MAGI2: variants seen among roughly 807,000 people sequenced by gnomAD.
MAGI2 encodes membrane-associated guanylate kinase, WW and PDZ domain-containing protein 2.
Under a neutral mutation model 133.3 loss-of-function variants are expected in MAGI2, and 35 were observed. That is an observed-to-expected ratio of 0.26 (90% CI 0.20 to 0.35). The LOEUF (loss-of-function observed/expected upper bound fraction) is 0.35. Ranked by LOEUF, MAGI2 falls within the 10% of genes least tolerant of loss-of-function variation. The pLI is 1.00. For synonymous variants in MAGI2, 729 were observed against 710.6 expected (o/e 1.03, Z -0.41); for missense variants, 1,636 against 1,863.4 (o/e 0.88, Z 2.25).
chr7:79,229,704 T>G (rs1341349625), intron 1 of MAGI2, among the ~76,000 whole-genome samples: 1 of 152,208 alleles, frequency 6.6e-6, no homozygotes, highest in Non-Finnish European at 1.5e-5. Flanking sequence ...TATGCTTGTC[T>G]GCAACTGATG....
chr7:79,149,127 AATAT>A (rs1562941294), intron 1 of MAGI2, among the ~76,000 whole-genome samples: 1 of 144,384 alleles, frequency 6.9e-6, no homozygotes, highest in African/African-American at 2.5e-5. Context: ...TATATAATAT[AATAT>A]ATATACTTCC....
chr7:79,427,230 C>T (rs994641660), intron 1 of MAGI2, among the ~76,000 whole-genome samples: 2 of 152,052 alleles, frequency 1.3e-5, no homozygotes, highest in East Asian at 3.9e-4. Flanking sequence ...AATATCTAAA[C>T]TTGAAGATTC....
intron 2 of MAGI2, among the ~76,000 whole-genome samples, chr7:78,639,630 T>A (rs1173865448): frequency 6.6e-6 from 1 of 152,148 alleles, no homozygotes; most frequent in Non-Finnish European, 1.5e-5. Context: ...TTCCTTACTT[T>A]AAAAAAATTA....
chr7:78,423,881 A>C (rs995748394), intron 6 of MAGI2, among the ~76,000 whole-genome samples: 2 of 152,166 alleles, frequency 1.3e-5, no homozygotes, highest in Non-Finnish European at 2.9e-5. Context: ...GCTGTTAAAA[A>C]CATTCAGTTT....
intron 2 of MAGI2, among the ~76,000 whole-genome samples, chr7:78,783,064 T>G (rs1303770839): frequency 6.7e-6 from 1 of 148,314 alleles, no homozygotes; most frequent in Non-Finnish European, 1.5e-5. Flanking sequence ...CCAACTAGTC[T>G]GCAAACATCT....
At chr7:78,927,105 C>G (rs1799758457) in intron 2 of MAGI2, among the ~76,000 whole-genome samples, 2 of 152,008 alleles carry the variant, frequency 1.3e-5, no homozygotes, top group Non-Finnish European at 2.9e-5. Flanking sequence ...TACAACAATA[C>G]TTTTCATCAT....
intron 2 of MAGI2, among the ~76,000 whole-genome samples, chr7:78,843,630 T>A (rs375395135): frequency 1.3e-5 from 2 of 152,002 alleles, no homozygotes; most frequent in Non-Finnish European, 2.9e-5. Flanking sequence ...CAATTTTGTG[T>A]TTATAGGTTG....
At chr7:78,432,261 T>C (rs897690431) in intron 6 of MAGI2, among the ~76,000 whole-genome samples, 7 of 151,778 alleles carry the variant, frequency 4.6e-5, no homozygotes, top group Non-Finnish European at 8.8e-5. Context: ...CAATTTATAC[T>C]TGGCCTCACA....
chr7:78,142,210 T>A (rs963396445), intron 16 of MAGI2, among the ~76,000 whole-genome samples: 1 of 152,188 alleles, frequency 6.6e-6, no homozygotes, highest in African/African-American at 2.4e-5. Flanking sequence ...CTTGATATTC[T>A]TAATAATTTT....
intron 1 of MAGI2, among the ~76,000 whole-genome samples, chr7:79,051,136 T>C (rs1437382753): frequency 6.6e-6 from 1 of 152,228 alleles, no homozygotes; most frequent in Non-Finnish European, 1.5e-5. Flanking sequence ...ACCCTCACTC[T>C]AGATAAAACA....
intron 6 of MAGI2, among the ~76,000 whole-genome samples, chr7:78,397,388 C>G (rs1796449033): frequency 1.3e-5 from 2 of 151,802 alleles, no homozygotes; most frequent in Non-Finnish European, 2.9e-5. Context: ...CACACACACA[C>G]ACACACACAC....
intron 1 of MAGI2, among the ~76,000 whole-genome samples, chr7:79,099,591 T>C (rs1172765365): frequency 6.6e-6 from 1 of 152,178 alleles, no homozygotes; most frequent in Non-Finnish European, 1.5e-5. Flanking sequence ...ATAAACATAG[T>C]ACCCAATGGG....
intron 1 of MAGI2, among the ~76,000 whole-genome samples, chr7:79,087,274 C>T (rs562954786): frequency 2.3e-4 from 35 of 151,918 alleles, no homozygotes; most frequent in Non-Finnish European, 4.6e-4. Flanking sequence ...TCTGAGACAT[C>T]CTTACTGATA....
At chr7:78,088,705 C>T (rs1344273468) in intron 20 of MAGI2, among the ~76,000 whole-genome samples, 1 of 152,070 alleles carries the variant, frequency 6.6e-6, no homozygotes, top group Non-Finnish European at 1.5e-5. Flanking sequence ...CTGCCAGGCC[C>T]ACAGCACCAA....
intron 1 of MAGI2, among the ~76,000 whole-genome samples, chr7:79,213,226 G>A (rs567765710): frequency 0.026 from 3,859 of 150,452 alleles, 80 homozygotes; most frequent in East Asian, 0.039. Flanking sequence ...ATATATATAT[G>A]TGTGTGTGTG....
At chr7:78,416,455 A>G (rs946375262) in intron 6 of MAGI2, among the ~76,000 whole-genome samples, 32 of 152,194 alleles carry the variant, frequency 2.1e-4, no homozygotes, top group African/African-American at 7.5e-4. Context: ...AATTATTCAT[A>G]TGAAATGATT....
chr7:78,458,121 C>A (rs1789520321), intron 6 of MAGI2, among the ~76,000 whole-genome samples: 1 of 151,870 alleles, frequency 6.6e-6, no homozygotes, highest in Non-Finnish European at 1.5e-5. Context: ...CATGGTGAAA[C>A]ACCGTCTCTA....
Position 78,271,316 on chromosome 7 carries a change from G to A in MAGI2, c.1409-14735C>T, listed in dbSNP as rs76768287. ...CCAGGGATGAAGCCGACTTGATCGTGGAGGATAAGCTTTTTGACGTGCTGC... is the reference window on the plus strand; with the variant it reads ...CCAGGGATGAAGCCGACTTGATCGTAGAGGATAAGCTTTTTGACGTGCTGC... On this transcript the variant is annotated intron_variant, in intron 9 of 21. Transcript: ENST00000354212. Among the ~76,000 whole-genome samples, 3 of 152,172 alleles carry A rather than the reference G, an allele frequency of 2.0e-5. No homozygotes were observed. The East Asian group carries it at 5.8e-4, about 29-fold the overall frequency.
chr7:79,085,356 A>G (rs1049791261), intron 1 of MAGI2, among the ~76,000 whole-genome samples: 1 of 151,628 alleles, frequency 6.6e-6, no homozygotes, highest in Admixed American at 6.6e-5. Context: ...TTTTATTATT[A>G]TCTTCTGTTT....
Sources: allele counts gnomAD v4.1 joint callset (sites outside exome capture counted in the v4.1 genomes callset), GRCh38; gene constraint gnomAD v4.1.1; transcripts MANE v1.5; gene names NCBI Gene and HGNC (gene_info 2026-07-23, HGNC 2026-07-21).